POFUT3: variants seen among roughly 807,000 people sequenced by gnomAD.
POFUT3 encodes the protein protein O-fucosyltransferase 3.
At chr8:33,461,531 C>G in the POFUT3 span, 1 of 1,605,402 alleles carries the variant, frequency 6.2e-7, no homozygotes, top group Non-Finnish European at 8.5e-7. Flanking sequence ...CCCGAGACAA[C>G]TTCACATGGA....
chr8:33,364,501 A>G, the POFUT3 span, among the ~76,000 whole-genome samples: 1 of 152,220 alleles, frequency 6.6e-6, no homozygotes, highest in Non-Finnish European at 1.5e-5. Flanking sequence ...TGCAGATGAC[A>G]TGATTGTATA....
At chr8:33,398,902 T>C in the POFUT3 span, among the ~76,000 whole-genome samples, 2,661 of 152,308 alleles carry the variant, frequency 0.017, 67 homozygotes, top group African/African-American at 0.061. Flanking sequence ...GGCATTTTTT[T>C]CCACAAATTT....
At chr8:33,385,649 A>C in the POFUT3 span, among the ~76,000 whole-genome samples, 3 of 152,102 alleles carry the variant, frequency 2.0e-5, no homozygotes, top group Admixed American at 6.6e-5. Flanking sequence ...TGGGAGGCCA[A>C]GGCAGGTGGA....
At chr8:33,343,463 C>T in the POFUT3 span, among the ~76,000 whole-genome samples, 2 of 152,154 alleles carry the variant, frequency 1.3e-5, no homozygotes, top group East Asian at 1.9e-4. Context: ...TTAATATTGG[C>T]CAATCCTAAA....
chr8:33,367,222 T>C, the POFUT3 span, among the ~76,000 whole-genome samples: 1 of 152,194 alleles, frequency 6.6e-6, no homozygotes, highest in African/African-American at 2.4e-5. Context: ...CGCTGGAAGG[T>C]GGTGGGCTTA....
At chr8:33,401,409 T>TG in the POFUT3 span, among the ~76,000 whole-genome samples, 12 of 152,202 alleles carry the variant, frequency 7.9e-5, no homozygotes, top group Non-Finnish European at 1.8e-4. Flanking sequence ...CAGGCATTCA[T>TG]ACTACACCAC....
chr8:33,443,307 G>A, the POFUT3 span, among the ~76,000 whole-genome samples: 3 of 152,164 alleles, frequency 2.0e-5, no homozygotes, highest in South Asian at 6.2e-4. Flanking sequence ...TACCTGCACA[G>A]AGCTTTAAAG....
At chr8:33,366,925 T>C in the POFUT3 span, among the ~76,000 whole-genome samples, 1 of 152,162 alleles carries the variant, frequency 6.6e-6, no homozygotes, top group Non-Finnish European at 1.5e-5. Context: ...ATTTTACTCT[T>C]ATTTTTGTCA....
the POFUT3 span, chr8:33,461,538 T>C: frequency 1.2e-6 from 2 of 1,601,102 alleles, no homozygotes; most frequent in South Asian, 1.1e-5. Context: ...CAACTTCACA[T>C]GGAAGAACCA....
chr8:33,389,847 T>TA, the POFUT3 span: 4 of 1,321,646 alleles, frequency 3.0e-6, no homozygotes, highest in Non-Finnish European at 4.3e-6. Context: ...AAGATGTTGC[T>TA]AAGTTTGGGT....
the POFUT3 span, among the ~76,000 whole-genome samples, chr8:33,327,354 A>G: frequency 2.0e-5 from 3 of 152,162 alleles, no homozygotes; most frequent in Admixed American, 1.3e-4. Context: ...TTTTCATAAT[A>G]CTTTTCTCTA....
chr8:33,407,598 C>G, the POFUT3 span, among the ~76,000 whole-genome samples: 1 of 152,102 alleles, frequency 6.6e-6, no homozygotes, highest in Non-Finnish European at 1.5e-5. Context: ...AATTTTTTAT[C>G]TCAGTTGAAA....
the POFUT3 span, among the ~76,000 whole-genome samples, chr8:33,416,822 G>A: frequency 6.8e-6 from 1 of 146,286 alleles, no homozygotes; most frequent in African/African-American, 2.6e-5. Context: ...CTCCAGCCTG[G>A]GCGACGACAA....
chr8:33,322,454 T>C, the POFUT3 span, among the ~76,000 whole-genome samples: 3 of 152,118 alleles, frequency 2.0e-5, no homozygotes, highest in Non-Finnish European at 4.4e-5. Flanking sequence ...GGATTTCTAC[T>C]GCTGCTGCTG....
chr8:33,462,858 G>T, the POFUT3 span, among the ~76,000 whole-genome samples: 1 of 151,914 alleles, frequency 6.6e-6, no homozygotes, highest in African/African-American at 2.4e-5. Flanking sequence ...TTGAGCCCAG[G>T]AGGTCAAGGC....
At chr8:33,335,174 T>TGA in the POFUT3 span, among the ~76,000 whole-genome samples, 1 of 152,020 alleles carries the variant, frequency 6.6e-6, no homozygotes. Flanking sequence ...TGTGTGTGTG[T>TGA]GTGTGTGTGT....
the POFUT3 span, among the ~76,000 whole-genome samples, chr8:33,319,570 T>TTATATAATA: frequency 4.6e-4 from 4 of 8,626 alleles, no homozygotes; most frequent in Non-Finnish European, 7.4e-4. Flanking sequence ...TTATATGTAT[T>TTATATAATA]TATATATTAT....
the POFUT3 span, among the ~76,000 whole-genome samples, chr8:33,386,143 C>G: frequency 7.4e-6 from 1 of 135,970 alleles, no homozygotes; most frequent in Non-Finnish European, 1.5e-5. Context: ...GAGCCGAGAT[C>G]ACGCCACTAC....
chr8:33,383,736 T>A, the POFUT3 span, among the ~76,000 whole-genome samples: 1 of 151,954 alleles, frequency 6.6e-6, no homozygotes, highest in African/African-American at 2.4e-5. Flanking sequence ...GAGGCAGAGG[T>A]TGCAGTGAGC....
Sources: gnomAD v4.1 joint callset for allele counts (sites outside exome capture counted in the v4.1 genomes callset) on GRCh38, gnomAD v4.1.1 for gene constraint, MANE v1.5 for transcripts, NCBI Gene and HGNC (gene_info 2026-07-23, HGNC 2026-07-21) for gene names.